The following BBS12 variants were observed in gnomAD, a reference collection of about 807,000 sequenced individuals.
BBS12 encodes chaperonin-containing T-complex member BBS12.
Under a neutral mutation model 5.6 loss-of-function variants are expected in BBS12, and 5 were observed. That is an observed-to-expected ratio of 0.89 (90% CI 0.46 to 1.86). The LOEUF is 1.86. Among genes scored for constraint, BBS12 ranks in the 40% most tolerant of loss-of-function variants. The pLI, the probability that BBS12 is intolerant of heterozygous loss-of-function variation, is 0.01. For missense variants in BBS12, 748 were observed against 830.4 expected (o/e 0.90, Z 1.22); for synonymous variants, 308 against 306.8 (o/e 1.00, Z -0.04).
At position 122,743,489 on chromosome 4, in the gene BBS12, G is replaced by A. The variant is rs543608786; in HGVS notation, c.1597G>A (p.Glu533Lys). The change falls in exon 2 of 2, where the codon GAA becomes AAA. Residue 533 changes from glutamate (E) to lysine (K), a missense_variant. Transcript: ENST00000314218. ...TCGTTTGTATTATGCTCTAAAAGAG[G>A]AAAAGGTCTTCCTTGGAGGTGGTGC... is the stretch of plus-strand genomic sequence containing the variant. The part of the protein sequence containing the change: ...AYRLYYALKE[E>K]KVFLGGGAVE... 14 of 1,614,204 alleles carry A rather than the reference G, an allele frequency of 8.7e-6. No individual in the cohort carries two copies. In the East Asian group the frequency reaches 2.9e-4, roughly 33 times the overall value.
At chr4:122,713,640 C>T in the BBS12 span, among the ~76,000 whole-genome samples, 1 of 152,156 alleles carries the variant, frequency 6.6e-6, no homozygotes, top group Non-Finnish European at 1.5e-5. Flanking sequence ...TCATTGACCT[C>T]TAGTGAGAGT....
chr4:122,735,871 T>C (rs200656659), intron 1 of BBS12, among the ~76,000 whole-genome samples: 1 of 152,128 alleles, frequency 6.6e-6, no homozygotes, highest in East Asian at 1.9e-4. Context: ...AAAAAGAAAG[T>C]ATAACAGATG....
chr4:122,716,572 CAT>C, the BBS12 span, among the ~76,000 whole-genome samples: 131 of 147,920 alleles, frequency 8.9e-4, no homozygotes, highest in Admixed American at 1.2e-3. Context: ...TATATATAAA[CAT>C]ATGTATATAT....
At chr4:122,706,126 G>C in the BBS12 span, among the ~76,000 whole-genome samples, 2 of 152,208 alleles carry the variant, frequency 1.3e-5, no homozygotes, top group Admixed American at 6.5e-5. Flanking sequence ...TCAGGTCTGT[G>C]TCCTCCCACA....
the BBS12 span, among the ~76,000 whole-genome samples, chr4:122,702,713 G>T: frequency 5.7e-4 from 87 of 152,270 alleles, no homozygotes; most frequent in African/African-American, 2.0e-3. Context: ...CTCCTCATCA[G>T]GATGTTGACT....
the BBS12 span, among the ~76,000 whole-genome samples, chr4:122,708,797 A>G: frequency 6.6e-6 from 1 of 152,158 alleles, no homozygotes; most frequent in African/African-American, 2.4e-5. Context: ...ACATGTATAA[A>G]ATTATAATTT....
At chr4:122,719,112 C>T in the BBS12 span, among the ~76,000 whole-genome samples, 1 of 152,190 alleles carries the variant, frequency 6.6e-6, no homozygotes, top group Non-Finnish European at 1.5e-5. Flanking sequence ...AGCCACCGCG[C>T]CTGGCCTCTC....
At chr4:122,724,908 A>T in the BBS12 span, among the ~76,000 whole-genome samples, 1 of 152,194 alleles carries the variant, frequency 6.6e-6, no homozygotes, top group Non-Finnish European at 1.5e-5. Context: ...TATGGGCTTA[A>T]ATCCAGATCA....
chr4:122,719,472 C>T, the BBS12 span, among the ~76,000 whole-genome samples: 1 of 152,132 alleles, frequency 6.6e-6, no homozygotes, highest in African/African-American at 2.4e-5. Flanking sequence ...TGGGTCCACA[C>T]TACCTTTATG....
At chr4:122,711,580 T>C in the BBS12 span, among the ~76,000 whole-genome samples, 3 of 152,152 alleles carry the variant, frequency 2.0e-5, no homozygotes, top group African/African-American at 7.2e-5. Flanking sequence ...CCAATTATAA[T>C]CTTGAAAGAT....
chr4:122,737,086 T>C (rs147414401), intron 1 of BBS12, among the ~76,000 whole-genome samples: 1 of 152,332 alleles, frequency 6.6e-6, no homozygotes, highest in African/African-American at 2.4e-5. Flanking sequence ...AAATTTGAAA[T>C]AGCCCATGAC....
chr4:122,713,309 G>A, the BBS12 span, among the ~76,000 whole-genome samples: 1 of 151,842 alleles, frequency 6.6e-6, no homozygotes, highest in African/African-American at 2.4e-5. Context: ...GTAAATAAAT[G>A]TATTTTTAAT....
the BBS12 span, among the ~76,000 whole-genome samples, chr4:122,700,612 C>T: frequency 1.2e-4 from 18 of 152,214 alleles, no homozygotes; most frequent in African/African-American, 4.3e-4. Flanking sequence ...TGTGTGGGTG[C>T]TCTGCCTCAC....
At chr4:122,737,231 G>C (rs1477790329) in intron 1 of BBS12, among the ~76,000 whole-genome samples, 2 of 152,294 alleles carry the variant, frequency 1.3e-5, no homozygotes, top group East Asian at 3.9e-4. Context: ...ATAAGGTTTG[G>C]AAGAAGGCAG....
Position 122,743,971 on chromosome 4 carries a change from A to T in BBS12, c.2079A>T (p.Gly693=). 6.2e-7 allele frequency: 1 copy of T among 1,613,916 alleles called. No individual in the cohort carries two copies. Among genetic ancestry groups the T allele is most frequent in the Non-Finnish European group, 8.5e-7 (1 of 1,179,920 alleles). ...VLQTDSEIIT[G]HGHTQINSQE... ...AGACAGACAGTGAAATAATTACTGGACATGGACACACACAGATAAATTCAC... is the reference window on the plus strand; with the variant it reads ...AGACAGACAGTGAAATAATTACTGGTCATGGACACACACAGATAAATTCAC... Residue 693 remains glycine, a synonymous_variant, in exon 2 of 2, where the codon GGA becomes GGT. Coordinates refer to ENST00000314218, the MANE Select transcript of BBS12 (RefSeq NM_152618.3).
At chr4:122,722,583 A>C in the BBS12 span, among the ~76,000 whole-genome samples, 1 of 152,106 alleles carries the variant, frequency 6.6e-6, no homozygotes, top group Non-Finnish European at 1.5e-5. Context: ...AATACTTCTT[A>C]ATAGATTTTT....
At chr4:122,729,290 A>G (rs973245555), upstream of BBS12, 8 of 152,224 alleles carry the variant, frequency 5.3e-5, no homozygotes, top group Admixed American at 2.0e-4. Context: ...GGCTCTGTGG[A>G]CTCCTAGTCT....
upstream of BBS12, chr4:122,728,776 G>GT (rs1800660073): frequency 1.3e-5 from 2 of 152,192 alleles, no homozygotes; most frequent in African/African-American, 4.8e-5. Context: ...AAAACCTTCA[G>GT]TTTTCATTTC....
At chr4:122,729,626 A>G (rs1310276683), upstream of BBS12, 3 of 152,322 alleles carry the variant, frequency 2.0e-5, no homozygotes, top group East Asian at 3.9e-4. Context: ...ATCAGCTTCC[A>G]ACTTGTAATA....
Sources: allele counts gnomAD v4.1 joint callset (sites outside exome capture counted in the v4.1 genomes callset), GRCh38; gene constraint gnomAD v4.1.1; transcripts MANE v1.5; gene names NCBI Gene and HGNC (gene_info 2026-07-23, HGNC 2026-07-21).